The following RORA variants were observed in gnomAD, a reference collection of about 807,000 sequenced individuals.
RORA encodes nuclear receptor ROR-alpha.
RORA carries 7 observed loss-of-function variants against 69.5 expected under a neutral mutation model. That is an observed-to-expected ratio of 0.10 (90% CI 0.06 to 0.19). RORA has a LOEUF of 0.19. RORA is among the 10% of genes least tolerant of loss of function. RORA has a pLI of 1.00. For synonymous variants in RORA, 261 were observed against 240.8 expected, an observed-to-expected ratio of 1.08 and a Z score of -0.78; for missense variants, 457 against 663.0, an observed-to-expected ratio of 0.69 and a Z score of 3.41.
intron 2 of RORA, among the ~76,000 whole-genome samples, chr15:60,570,430 G>A (rs187569714): frequency 9.2e-5 from 14 of 152,152 alleles, no homozygotes; most frequent in Admixed American, 6.5e-5. Context: ...CCCCAGCCTC[G>A]GGTTATCCTC....
chr15:61,097,812 T>C (rs2078813335), intron 1 of RORA, among the ~76,000 whole-genome samples: 1 of 152,172 alleles, frequency 6.6e-6, no homozygotes. Context: ...TCATTCCCAA[T>C]GTACCATTGC....
intron 1 of RORA, among the ~76,000 whole-genome samples, chr15:61,141,734 G>A (rs1040252005): frequency 6.6e-6 from 1 of 152,276 alleles, no homozygotes; most frequent in African/African-American, 2.4e-5. Context: ...GCAAGGTCCC[G>A]CAAGCCTGCC....
intron 1 of RORA, among the ~76,000 whole-genome samples, chr15:60,764,560 C>T (rs1225909340): frequency 6.6e-6 from 1 of 151,960 alleles, no homozygotes; most frequent in African/African-American, 2.4e-5. Flanking sequence ...TTTGGCTTCT[C>T]CAGCTGAAAA....
intron 1 of RORA, among the ~76,000 whole-genome samples, chr15:61,173,132 C>T (rs72739580): frequency 0.083 from 12,618 of 152,146 alleles, 707 homozygotes; most frequent in Non-Finnish European, 0.13. Context: ...AGGCACTGTA[C>T]GAGGATCCTC....
chr15:60,695,457 A>AT lies in RORA; in HGVS notation c.167-16772dup, dbSNP rs376941530. On this transcript the variant is annotated intron_variant, in intron 1 of 10. Coordinates refer to ENST00000335670, the MANE Select transcript of RORA (RefSeq NM_134261.3). ...TACATTTCCTTCTACAAACATCTTG[A>AT]TTTTTTTTTTTCACTTGCATTTCAC... Among the ~76,000 whole-genome samples the AT allele has an allele frequency of 8.5e-4, 125 of 146,824 alleles. 1 individual carries two copies. The highest frequency in any genetic ancestry group is 2.5e-3 in the African/African-American group (99 of 40,090).
intron 2 of RORA, among the ~76,000 whole-genome samples, chr15:60,576,248 C>T (rs1224773658): frequency 2.6e-5 from 4 of 152,094 alleles, no homozygotes; most frequent in Non-Finnish European, 5.9e-5. Context: ...CTGGGAGCAA[C>T]GTATCCCAGT....
chr15:60,693,415 C>T (rs1168091139), intron 1 of RORA, among the ~76,000 whole-genome samples: 1 of 152,198 alleles, frequency 6.6e-6, no homozygotes, highest in African/African-American at 2.4e-5. Context: ...TCTCTCACCA[C>T]TCCTATTCAA....
At chr15:60,780,363 G>C (rs1567188373) in intron 1 of RORA, among the ~76,000 whole-genome samples, 1 of 152,144 alleles carries the variant, frequency 6.6e-6, no homozygotes, top group Non-Finnish European at 1.5e-5. Context: ...GGAACCACTG[G>C]GCTGGTCTAG....
chr15:61,071,020 C>T (rs2078334942), intron 1 of RORA, among the ~76,000 whole-genome samples: 1 of 151,498 alleles, frequency 6.6e-6, no homozygotes, highest in African/African-American at 2.4e-5. Flanking sequence ...TAACGGACTC[C>T]TCTGCTGAAA....
chr15:60,513,438 A>T (rs917530612), intron 4 of RORA, among the ~76,000 whole-genome samples: 5 of 152,236 alleles, frequency 3.3e-5, no homozygotes, highest in Non-Finnish European at 7.3e-5. Flanking sequence ...CGCAATTATG[A>T]TTTAACTTTT....
intron 1 of RORA, among the ~76,000 whole-genome samples, chr15:61,132,393 A>G (rs1037912070): frequency 7.2e-5 from 11 of 152,162 alleles, no homozygotes; most frequent in Non-Finnish European, 1.2e-4. Context: ...CTTGCTGTTT[A>G]CAAAGTTTTT....
intron 1 of RORA, among the ~76,000 whole-genome samples, chr15:60,729,457 A>G (rs567054213): frequency 6.6e-6 from 1 of 152,324 alleles, no homozygotes; most frequent in African/African-American, 2.4e-5. Flanking sequence ...CACTCAATGT[A>G]GTACCCTAGG....
chr15:60,792,481 T>C (rs922064685), intron 1 of RORA, among the ~76,000 whole-genome samples: 9 of 152,116 alleles, frequency 5.9e-5, no homozygotes, highest in Non-Finnish European at 8.8e-5. Flanking sequence ...GCAAGACAAA[T>C]ACAAAGAAAA....
chr15:60,768,483 C>A (rs1464530869), intron 1 of RORA, among the ~76,000 whole-genome samples: 2 of 152,196 alleles, frequency 1.3e-5, no homozygotes, highest in Non-Finnish European at 2.9e-5. Context: ...AACCAATATG[C>A]CTCCAAATCA....
intron 1 of RORA, among the ~76,000 whole-genome samples, chr15:60,762,510 T>A (rs114451367): frequency 6.6e-6 from 1 of 152,084 alleles, no homozygotes; most frequent in Non-Finnish European, 1.5e-5. Context: ...GCCAACTGTG[T>A]GCCTTTAAAG....
Position 61,147,135 on chromosome 15 carries a change from T to C in RORA, c.166+81918A>G, listed in dbSNP as rs994550543. Among the ~76,000 whole-genome samples, 2 of 152,200 alleles carry C rather than the reference T, an allele frequency of 1.3e-5. No individual in the cohort carries two copies. Among genetic ancestry groups the C allele is most frequent in the African/African-American group, 4.8e-5 (2 of 41,446 alleles). On this transcript the variant is annotated intron_variant, in intron 1 of 10. Transcript: ENST00000335670. This position sits in a 1 kb window ranked among gnomAD's most constrained non-coding sequence, Gnocchi z 4.1. ...TAGATTTTGGCAGATGCCTCATGCA[T>C]TCTGGCCATTTTCGGGCTTATTTTA...
chr15:61,057,925 G>A (rs1372126508), intron 1 of RORA, among the ~76,000 whole-genome samples: 1 of 152,214 alleles, frequency 6.6e-6, no homozygotes, highest in Non-Finnish European at 1.5e-5. Context: ...ATTTAGACCT[G>A]AAAGGCATTT....
intron 1 of RORA, among the ~76,000 whole-genome samples, chr15:61,088,973 T>C (rs1176567051): frequency 6.6e-6 from 1 of 152,160 alleles, no homozygotes; most frequent in Non-Finnish European, 1.5e-5. Context: ...TTCAAAACGG[T>C]AGCCTCCTAA....
chr15:60,749,000 T>C (rs1450032221), intron 1 of RORA, among the ~76,000 whole-genome samples: 1 of 152,174 alleles, frequency 6.6e-6, no homozygotes, highest in African/African-American at 2.4e-5. Flanking sequence ...TTTTAGTAAA[T>C]ATAAGAATCA....
Sources: allele counts gnomAD v4.1 joint callset (sites outside exome capture counted in the v4.1 genomes callset), GRCh38; gene constraint gnomAD v4.1.1; non-coding constraint Gnocchi (gnomAD v3.1); transcripts MANE v1.5; gene names NCBI Gene and HGNC (gene_info 2026-07-23, HGNC 2026-07-21).